KRT12: variants seen among roughly 807,000 people sequenced by gnomAD.
KRT12 encodes keratin, type I cytoskeletal 12.
KRT12 carries 43 observed loss-of-function variants against 50.2 expected under a neutral mutation model. The observed-to-expected ratio is 0.86, with a 90% CI of 0.67 to 1.11. The LOEUF (loss-of-function observed/expected upper bound fraction) is 1.11. Ranked by LOEUF, KRT12 falls within the 50% of genes least tolerant of loss-of-function variation. The pLI is 0.00. For synonymous variants in KRT12, 257 were observed against 253.6 expected, an observed-to-expected ratio of 1.01 and a Z score of -0.13; for missense variants, 588 against 625.6, an observed-to-expected ratio of 0.94 and a Z score of 0.64.
Position 40,863,189 on chromosome 17 carries a change from T to C in KRT12, c.1250A>G (p.Asn417Ser). The stretch of plus-strand genomic sequence containing the variant: ...CTCCAGCTCCAGGCGGGCCTTGACA[T>C]TCAGCAGCCGCTGGTGGTCCACGTT... ...RQNVDHQRLL[N>S]VKARLELEIE... Residue 417 changes from asparagine to serine, a missense_variant, in exon 6 of 8, where the codon AAT becomes AGT. Asn to Ser is a conservative substitution (Grantham distance 46). Coordinates refer to ENST00000251643, the MANE Select transcript of KRT12 (RefSeq NM_000223.4). This position sits in a 1 kb window ranked among gnomAD's most constrained non-coding sequence, Gnocchi z 4.2. The C allele has an allele frequency of 6.2e-7, 1 of 1,614,082 alleles. No individual in the cohort carries two copies. Among genetic ancestry groups the C allele is most frequent in the Non-Finnish European group, 8.5e-7 (1 of 1,180,030 alleles).
At chr17:40,862,416 G>C in intron 7 of KRT12, 149 bp downstream of exon 7, 1 of 657,794 alleles carries the variant, frequency 1.5e-6, no homozygotes, top group Non-Finnish European at 2.7e-6. Context: ...TTTTGTGCAG[G>C]AATGCATAAA....
chr17:40,867,161 G>T lies in KRT12; in HGVS notation c.26C>A (p.Ser9Ter), dbSNP rs780056598. 7 of 1,608,458 alleles carry T rather than the reference G, an allele frequency of 4.4e-6. No individual in the cohort carries two copies. The highest frequency in any genetic ancestry group is 5.9e-6 in the Non-Finnish European group (7 of 1,180,012). The change falls in exon 1 of 8, where the codon TCA becomes TAA. Residue 9 changes from serine (S) to a stop codon, truncating the protein, a stop_gained. Transcript: ENST00000251643. LOFTEE classifies it high-confidence loss of function. The stretch of plus-strand genomic sequence containing the variant: ...CAGTCCGGGGGTGCGCACTGAGAGT[G>T]ACATGGTGTTGTTGGAGAGATCCAT... MDLSNNTM[S>*]LSVRTPGLSR...
At chr17:40,866,092 G>A in intron 2 of KRT12, 63 bp downstream of exon 2, 1 of 1,233,844 alleles carries the variant, frequency 8.1e-7, no homozygotes, top group Non-Finnish European at 1.2e-6. Context: ...ATCAATGAAG[G>A]CAGGACAGTA....
Position 40,863,135 on chromosome 17 carries a change from C to G in KRT12, c.1304G>C (p.Gly435Ala). The G allele has an allele frequency of 6.2e-7, 1 of 1,614,060 alleles. No individual in the cohort carries two copies. ...GTTGTCTGCTCACCCTTGGGCCTCC[C>G]CGTCCAGCAGGCGGCGGTAGGTCTC... Reference protein sequence around the residue: ...EIETYRRLLDGEAQGDGLEES... With the variant: ...EIETYRRLLDAEAQGDGLEES... The change falls in exon 6 of 8, where the codon GGG becomes GCG. Residue 435 changes from glycine to alanine, a missense_variant. Physicochemically the swap from Gly to Ala is moderately conservative, Grantham distance 60 (BLOSUM62 0). Coordinates refer to ENST00000251643, the MANE Select transcript of KRT12 (RefSeq NM_000223.4). This position sits in a 1 kb window ranked among gnomAD's most constrained non-coding sequence, Gnocchi z 4.2.
At chr17:40,862,097 C>G (rs1050042873) in intron 7 of KRT12, among the ~76,000 whole-genome samples, 1 of 151,932 alleles carries the variant, frequency 6.6e-6, no homozygotes, top group East Asian at 1.9e-4. Flanking sequence ...AAGACAGGGT[C>G]TGGCTCTGTT....
rs755822283 is a variant in KRT12, at chr17:40,861,778, A to G, written c.1388-20T>C. On this transcript the variant is annotated intron_variant, in intron 7 of 7. Transcript: ENST00000251643. ...TTGGGTCTAAAGATAAAAATGGAAT[A>G]AGGGGGCAAGAGTTAGTGTTTCAAA... is the stretch of plus-strand genomic sequence containing the variant. 1 of 1,486,220 alleles carries G rather than the reference A, an allele frequency of 6.7e-7. No individual in the cohort carries two copies. Among genetic ancestry groups the G allele is most frequent in the South Asian group, 1.1e-5 (1 of 88,416 alleles). 92.1% of individuals were successfully genotyped at this position (1,486,220 alleles called of 1,614,324 possible).
chr17:40,863,781 G>A lies in KRT12; in HGVS notation c.891C>T (p.Leu297=). 6.2e-7 allele frequency: 1 copy of A among 1,612,824 alleles called. No homozygotes were observed. Among genetic ancestry groups the A allele is most frequent in the Non-Finnish European group, 8.5e-7 (1 of 1,180,004 alleles). The change falls in exon 4 of 8, where the codon CTC becomes CTT. Residue 297 remains leucine, a synonymous_variant. Coordinates refer to ENST00000251643, the MANE Select transcript of KRT12 (RefSeq NM_000223.4). The surrounding 1 kb of genome is among the most constrained non-coding windows in gnomAD (Gnocchi z 4.2). ...CATACTGCGCCCGCATATCATTGAGGAGCCTGGTGAGGTCCACTCCGGGGG... is the reference window on the plus strand; with the variant it reads ...CATACTGCGCCCGCATATCATTGAGAAGCCTGGTGAGGTCCACTCCGGGGG... ...DAAPGVDLTR[L]LNDMRAQYET...
In KRT12 at chr17:40,863,571, G is replaced by T. The variant is rs1395678595; in HGVS notation, c.1009C>A (p.Gln337Lys). 1.2e-6 allele frequency: 2 copies of T among 1,614,234 alleles called. No homozygotes were observed. Among genetic ancestry groups the T allele is most frequent in the South Asian group, 2.2e-5 (2 of 91,088 alleles). ...ACCTCGCTCTTGCTGGACTGAAGCT[G>T]CTCGGTGTTGGTGCTAATCTCCTTA... ...LRKEISTNTE[Q>K]LQSSKSEVTD... is the part of the protein sequence containing the mutation. The change falls in exon 5 of 8, where the codon CAG becomes AAG. Residue 337 changes from glutamine (Q) to lysine (K), a missense_variant. Gln to Lys is a moderately conservative substitution (Grantham distance 53). Coordinates refer to ENST00000251643, the MANE Select transcript of KRT12 (RefSeq NM_000223.4). This position sits in a 1 kb window ranked among gnomAD's most constrained non-coding sequence, Gnocchi z 4.2.
At position 40,863,908 on chromosome 17, in the gene KRT12, G is replaced by T; in HGVS notation, c.808-44C>A. 1 of 1,477,194 alleles carries T rather than the reference G, an allele frequency of 6.8e-7. No homozygotes were observed. The allele number at this position is 1,477,194 out of a possible 1,614,324, so 91.5% of individuals were successfully genotyped here. ...AGAGAGGGGCACAGGGGTCCATTGT[G>T]ACTTTCGTGGGCCCTGGATACTTTT... On this transcript the variant is annotated intron_variant, in intron 3 of 7. Transcript: ENST00000251643. This position sits in a 1 kb window ranked among gnomAD's most constrained non-coding sequence, Gnocchi z 4.2.
rs1172895988 is a variant in KRT12, at chr17:40,863,234, C to T, written c.1205G>A (p.Arg402His). The T allele has an allele frequency of 5.0e-6, 8 of 1,613,850 alleles. No homozygotes were observed. The highest frequency in any genetic ancestry group is 6.8e-6 in the Non-Finnish European group (8 of 1,180,020). ...SNLEAQLLQV[R>H]ADAERQNVDH... ...CACGTTCTGGCGCTCTGCGTCCGCG[C>T]GCACCTGGAGCAGCTGTGCCTCCAG... is the stretch of plus-strand genomic sequence containing the variant. Residue 402 changes from arginine to histidine, a missense_variant, in exon 6 of 8, where the codon CGC (arginine) becomes CAC (histidine). Physicochemically the swap from Arg to His is conservative, Grantham distance 29 (BLOSUM62 0). Coordinates refer to ENST00000251643, the MANE Select transcript of KRT12 (RefSeq NM_000223.4). The surrounding 1 kb of genome is among the most constrained non-coding windows in gnomAD (Gnocchi z 4.2).
In KRT12 at chr17:40,862,545, A is replaced by G; in HGVS notation, c.1387+20T>C. The G allele has an allele frequency of 6.4e-7, 1 of 1,569,920 alleles. No individual in the cohort carries two copies. On this transcript the variant is annotated intron_variant, in intron 7 of 7. Coordinates refer to ENST00000251643, the MANE Select transcript of KRT12 (RefSeq NM_000223.4). ...ATGTGATTCCGACTTATTCTAAGTG[A>G]TTCTAGGGTTTCTGCATACCTTTAG...
chr17:40,864,344 C>A (rs1395785753), intron 3 of KRT12, among the ~76,000 whole-genome samples: 2 of 152,194 alleles, frequency 1.3e-5, no homozygotes, highest in Non-Finnish European at 2.9e-5. Context: ...CTATTGCCAG[C>A]ATCCCTTCCC....
In KRT12 at chr17:40,861,455, A is replaced by G; in HGVS notation, c.*206T>C. 3.4e-6 allele frequency: 2 copies of G among 594,680 alleles called. No individual in the cohort carries two copies. The highest frequency in any genetic ancestry group is 4.1e-5 in the South Asian group (2 of 48,932). 36.8% of individuals were successfully genotyped at this position (594,680 alleles called of 1,614,324 possible). On this transcript the variant is annotated 3_prime_UTR_variant, in exon 8 of 8. Transcript: ENST00000251643. ...ATATAAGGTAATTTTGATTTGTTAC[A>G]AAGACCAACATGACCAAAATGACTT...
intron 3 of KRT12, 110 bp downstream of exon 3, chr17:40,864,696 A>G: frequency 9.0e-7 from 1 of 1,114,068 alleles, no homozygotes; most frequent in East Asian, 2.3e-5. Flanking sequence ...CAGGGAGACA[A>G]TGTATTCTCC....
Position 40,866,960 on chromosome 17 carries a change from G to C in KRT12, c.227C>G (p.Ser76Cys), listed in dbSNP as rs748781010. Reference protein sequence around the residue: ...SSGFGGGSGSSMAGGLGAGYG... With the variant: ...SSGFGGGSGSCMAGGLGAGYG... ...ACCAGCACCCAGTCCTCCTGCCATG[G>C]AACTTCCGGAGCCACCCCCAAAGCC... Residue 76 changes from serine to cysteine, a missense_variant, in exon 1 of 8, where the codon TCC becomes TGC. Ser to Cys is a moderately radical substitution (Grantham distance 112). Transcript: ENST00000251643. 4.4e-6 allele frequency: 7 copies of C among 1,601,400 alleles called. No individual in the cohort carries two copies. Among genetic ancestry groups the C allele is most frequent in the Non-Finnish European group, 5.1e-6 (6 of 1,174,306 alleles).
chr17:40,862,706 G>T, intron 6 of KRT12, 71 bp from the exon 7 acceptor site: 1 of 1,116,992 alleles, frequency 9.0e-7, no homozygotes, highest in Non-Finnish European at 1.4e-6. Flanking sequence ...TCTGGTCTGA[G>T]AAATTAGATT....
At chr17:40,862,791 G>A (rs1295384492) in intron 6 of KRT12, among the ~76,000 whole-genome samples, 156 bp from the exon 7 acceptor site, 2 of 152,188 alleles carry the variant, frequency 1.3e-5, no homozygotes, top group Non-Finnish European at 2.9e-5. Context: ...TAGAGTAGGT[G>A]GTTCAGGTGG....
intron 3 of KRT12, among the ~76,000 whole-genome samples, chr17:40,864,221 T>A (rs1906924403): frequency 6.6e-6 from 1 of 152,096 alleles, no homozygotes; most frequent in Non-Finnish European, 1.5e-5. Flanking sequence ...AAAGGAGGCC[T>A]GGCGTACACT....
Position 40,866,799 on chromosome 17 carries a change from G to T in KRT12, c.388C>A (p.Gln130Lys). ...LLSGSEKETM[Q>K]NLNDRLASYL... ...GAAGCTAATCTATCATTAAGATTTTGCATAGTTTCTTTTTCTGATCCAGAA... is the reference window on the plus strand; with the variant it reads ...GAAGCTAATCTATCATTAAGATTTTTCATAGTTTCTTTTTCTGATCCAGAA... Residue 130 changes from glutamine (Q) to lysine (K), a missense_variant, in exon 1 of 8, where the codon CAA (glutamine) becomes AAA (lysine). By Grantham distance (53) the Gln-to-Lys change is moderately conservative. Transcript: ENST00000251643. 17 of 1,614,130 alleles carry T rather than the reference G, an allele frequency of 1.1e-5. No homozygotes were observed. Among genetic ancestry groups the T allele is most frequent in the Non-Finnish European group, 1.4e-5 (16 of 1,180,036 alleles).
Sources: allele counts gnomAD v4.1 joint callset (sites outside exome capture counted in the v4.1 genomes callset), GRCh38; gene constraint gnomAD v4.1.1; non-coding constraint Gnocchi (gnomAD v3.1); transcripts MANE v1.5; gene names NCBI Gene and HGNC (gene_info 2026-07-23, HGNC 2026-07-21).